The following PTGR2 variants were observed in gnomAD, a reference collection of about 807,000 sequenced individuals.
The protein encoded by PTGR2 is prostaglandin reductase 2, also known as 15-oxoprostaglandin 13-reductase.
Under a neutral mutation model 43.4 loss-of-function variants are expected in PTGR2, and 32 were observed. The ratio of observed to expected loss-of-function variants is 0.74; its 90% CI spans 0.56 to 0.99. PTGR2 has a LOEUF of 0.99. PTGR2 is among the 50% of genes least tolerant of loss of function. The probability of loss-of-function intolerance (pLI) is 0.00; values close to 1 mark genes in which losing one functional copy is unlikely to be tolerated. For missense variants in PTGR2, 373 were observed against 420.0 expected, an observed-to-expected ratio of 0.89 and a Z score of 0.98; for synonymous variants, 106 against 139.2, an observed-to-expected ratio of 0.76 and a Z score of 1.68.
At chr14:73,862,302 G>A (rs926301561) in intron 3 of PTGR2, among the ~76,000 whole-genome samples, 1 of 151,896 alleles carries the variant, frequency 6.6e-6, no homozygotes, top group Non-Finnish European at 1.5e-5. Context: ...CCGCCTCCCG[G>A]GTTCACGCCA....
At chr14:73,871,339 ATCTTTT>A (rs2054722611) in intron 3 of PTGR2, among the ~76,000 whole-genome samples, 1 of 31,294 alleles carries the variant, frequency 3.2e-5, no homozygotes, top group African/African-American at 1.1e-4. Flanking sequence ...TTGGCTGTTC[ATCTTTT>A]TTTTTTTTTT....
chr14:73,865,889 C>A (rs1754989866), intron 3 of PTGR2, among the ~76,000 whole-genome samples: 1 of 152,196 alleles, frequency 6.6e-6, no homozygotes, highest in South Asian at 2.1e-4. Context: ...TATTTCTGGA[C>A]TTTCAACTCT....
At chr14:73,880,344 G>A (rs961209154) in intron 7 of PTGR2, 168 bp downstream of exon 7, 1 of 699,998 alleles carries the variant, frequency 1.4e-6, no homozygotes, top group East Asian at 3.4e-5. Context: ...ATGCCGAGAC[G>A]GGTGGATTGC....
intron 4 of PTGR2, 104 bp from the exon 5 acceptor site, chr14:73,876,894 T>G (rs1595368198): frequency 1.3e-6 from 1 of 776,598 alleles, no homozygotes; most frequent in East Asian, 2.6e-5. Flanking sequence ...CTTTACTATA[T>G]AAATGTTGTG....
At chr14:73,874,554 T>G in intron 4 of PTGR2, 1 of 463,328 alleles carries the variant, frequency 2.2e-6, no homozygotes, top group Non-Finnish European at 4.3e-6. Flanking sequence ...GTGTTCTTTA[T>G]TTGTTTCTTT....
intron 3 of PTGR2, among the ~76,000 whole-genome samples, chr14:73,863,629 T>C (rs2054541498): frequency 6.6e-6 from 1 of 152,052 alleles, no homozygotes; most frequent in Non-Finnish European, 1.5e-5. Flanking sequence ...CTTTTTTTTT[T>C]TTTGGCAGAC....
intron 9 of PTGR2, among the ~76,000 whole-genome samples, chr14:73,882,691 G>A (rs1469486821): frequency 2.0e-5 from 3 of 151,082 alleles, no homozygotes; most frequent in South Asian, 2.1e-4. Flanking sequence ...TAGTAGAGAC[G>A]GGGTTTCACT....
At chr14:73,869,845 G>A (rs1402655512) in intron 3 of PTGR2, among the ~76,000 whole-genome samples, 4 of 152,124 alleles carry the variant, frequency 2.6e-5, no homozygotes, top group African/African-American at 9.7e-5. Context: ...GGCCAACATG[G>A]TGAAACACCG....
Position 73,880,323 on chromosome 14 carries a change from A to G in PTGR2, c.851+147A>G, listed in dbSNP as rs560337854. On this transcript the variant is annotated intron_variant, in intron 7 of 9. Transcript: ENST00000555661. ...CATAGTGGCTTATGCCTGTAATCCT[A>G]GCACTTTGGGATGCCGAGACGGGTG... 61 of 924,992 alleles carry G rather than the reference A, an allele frequency of 6.6e-5. 1 individual carries two copies. In the African/African-American group the frequency reaches 9.7e-4, roughly 15 times the overall value. 57.3% of individuals were successfully genotyped at this position (924,992 alleles called of 1,614,324 possible). A position where few individuals can be genotyped will look rare whatever the true frequency, so the allele number is the denominator to read the frequency against.
chr14:73,859,358 A>G (rs924289433), intron 2 of PTGR2, among the ~76,000 whole-genome samples: 1 of 152,118 alleles, frequency 6.6e-6, no homozygotes, highest in East Asian at 1.9e-4. Flanking sequence ...TGAGGAAGTC[A>G]CTTAACTTTT....
At chr14:73,879,991 A>C in intron 6 of PTGR2, 64 bp from the exon 7 acceptor site, 11 of 1,527,782 alleles carry the variant, frequency 7.2e-6, no homozygotes, top group Non-Finnish European at 9.9e-6. Flanking sequence ...GGCTTCCATT[A>C]TGGCAGCCAT....
rs1346266959 is a variant in PTGR2, at chr14:73,878,967, A to G, written c.520-129A>G. On this transcript the variant is annotated intron_variant, in intron 5 of 9. Transcript: ENST00000555661. Reference sequence around the variant, plus strand: ...TTTTAGTTTCAAATTACTTTTCATTAAAAGCAGCGTAATCTAACCTTAATT... The same window carrying G: ...TTTTAGTTTCAAATTACTTTTCATTGAAAGCAGCGTAATCTAACCTTAATT... 3 of 708,948 alleles carry G rather than the reference A, an allele frequency of 4.2e-6. No individual in the cohort carries two copies. The South Asian group carries it at 6.2e-5, about 15-fold the overall frequency. The allele number at this position is 708,948 out of a possible 1,614,324, so 43.9% of individuals were successfully genotyped here. A position where few individuals can be genotyped will look rare whatever the true frequency, so the allele number is the denominator to read the frequency against.
intron 1 of PTGR2, 182 bp downstream of exon 1, chr14:73,852,125 T>TG (rs2054240469): frequency 6.6e-6 from 1 of 152,236 alleles, no homozygotes; most frequent in Admixed American, 6.5e-5. Flanking sequence ...AAGCAGGTTT[T>TG]GGGGTTTTTT....
chr14:73,852,900 A>C (rs1595338779), intron 1 of PTGR2, among the ~76,000 whole-genome samples: 1 of 152,152 alleles, frequency 6.6e-6, no homozygotes, highest in Non-Finnish European at 1.5e-5. Flanking sequence ...ATCTCGGCTC[A>C]CTGCAGCCTC....
chr14:73,870,273 G>A (rs1250857865), intron 3 of PTGR2, among the ~76,000 whole-genome samples: 1 of 150,526 alleles, frequency 6.6e-6, no homozygotes, highest in Non-Finnish European at 1.5e-5. Context: ...CTGCCTCCCG[G>A]GTTCAAGTGA....
At chr14:73,875,140 G>A (rs1164768966) in intron 4 of PTGR2, among the ~76,000 whole-genome samples, 3 of 152,246 alleles carry the variant, frequency 2.0e-5, no homozygotes, top group South Asian at 4.1e-4. Context: ...GATTACAGGC[G>A]TGAGTCACTG....
At chr14:73,868,015 G>A (rs4903152) in intron 3 of PTGR2, among the ~76,000 whole-genome samples, 17,790 of 152,164 alleles carry the variant, frequency 0.12, 1,402 homozygotes, top group Admixed American at 0.23. Context: ...GGCTAGGCAC[G>A]GTGGCTCACG....
Position 73,874,252 on chromosome 14 carries a change from G to C in PTGR2, c.348+38G>C, listed in dbSNP as rs368975711. The C allele has an allele frequency of 9.9e-3, 14,137 of 1,424,332 alleles. 104 individuals carry two copies. Among genetic ancestry groups the C allele is most frequent in the Non-Finnish European group, 0.012 (12,681 of 1,037,652 alleles). The allele number at this position is 1,424,332 out of a possible 1,614,324, so 88.2% of individuals were successfully genotyped here. ...TGAACATATCTGATTTTTTTTCCCC[G>C]TATAATTCTTACTTTGTGCATTTGA... On this transcript the variant is annotated intron_variant, in intron 4 of 9. Coordinates refer to ENST00000555661, the MANE Select transcript of PTGR2 (RefSeq NM_001146154.2).
chr14:73,856,721 C>G (rs931648968), intron 1 of PTGR2, among the ~76,000 whole-genome samples: 3 of 152,210 alleles, frequency 2.0e-5, no homozygotes, highest in Non-Finnish European at 4.4e-5. Flanking sequence ...GTCTAGTAAT[C>G]TGTACCATGT....
Sources: allele counts gnomAD v4.1 joint callset (sites outside exome capture counted in the v4.1 genomes callset), GRCh38; gene constraint gnomAD v4.1.1; transcripts MANE v1.5; gene names NCBI Gene and HGNC (gene_info 2026-07-23, HGNC 2026-07-21).